Variants in FARS2 observed in about 807,000 individuals in gnomAD.
FARS2 encodes phenylalanyl-tRNA synthetase 2, mitochondrial.
A neutral mutation model predicts 46.4 loss-of-function variants in FARS2; 40 were observed. That is an observed-to-expected ratio of 0.86 (90% CI 0.67 to 1.12). FARS2 has a LOEUF of 1.12. Ranked by LOEUF, FARS2 falls within the 50% of genes most tolerant of loss-of-function variation. The pLI is 0.00. For synonymous variants in FARS2, 234 were observed against 214.9 expected, an observed-to-expected ratio of 1.09 and a Z score of -0.78; for missense variants, 513 against 567.9, an observed-to-expected ratio of 0.90 and a Z score of 0.98.
chr6:5,629,006 G>A (rs1582624840), intron 6 of FARS2, among the ~76,000 whole-genome samples: 1 of 152,360 alleles, frequency 6.6e-6, no homozygotes, highest in East Asian at 1.9e-4. Context: ...TTGAGGCTGA[G>A]GTGACCATTT....
At chr6:5,644,369 C>A (rs189838102) in intron 6 of FARS2, among the ~76,000 whole-genome samples, 5 of 152,120 alleles carry the variant, frequency 3.3e-5, no homozygotes, top group African/African-American at 4.8e-5. Context: ...CGCACCACCA[C>A]GCCTGGCTAT....
intron 2 of FARS2, among the ~76,000 whole-genome samples, chr6:5,374,336 G>GT (rs1310567879): frequency 2.6e-5 from 4 of 152,106 alleles, no homozygotes; most frequent in Admixed American, 6.5e-5. Context: ...ATTCAAGACT[G>GT]TAAGAAGATA....
intron 2 of FARS2, among the ~76,000 whole-genome samples, chr6:5,386,302 C>T (rs1760131723): frequency 6.6e-6 from 1 of 152,008 alleles, no homozygotes; most frequent in Non-Finnish European, 1.5e-5. Context: ...GAGCGTGGCA[C>T]ATTGGAAAGT....
intron 4 of FARS2, among the ~76,000 whole-genome samples, chr6:5,514,089 C>CATATATATATATATATATATAT (rs57189455): frequency 6.8e-6 from 1 of 147,140 alleles, no homozygotes; most frequent in African/African-American, 2.5e-5. Context: ...AAAATCTGGA[C>CATATATATATATATATATATAT]ATATATATAT....
chr6:5,608,534 G>T (rs1186362346), intron 5 of FARS2, among the ~76,000 whole-genome samples: 9 of 151,990 alleles, frequency 5.9e-5, no homozygotes, highest in African/African-American at 2.2e-4. Flanking sequence ...GTATTAAATC[G>T]TTTATTGATT....
At chr6:5,383,350 G>T (rs569305355) in intron 2 of FARS2, among the ~76,000 whole-genome samples, 129 of 152,320 alleles carry the variant, frequency 8.5e-4, no homozygotes, top group South Asian at 2.7e-3. Context: ...ACTTTTGGCC[G>T]CTGGCCTTTG....
intron 4 of FARS2, among the ~76,000 whole-genome samples, chr6:5,500,752 G>A (rs1049804488): frequency 6.6e-6 from 1 of 151,876 alleles, no homozygotes; most frequent in African/African-American, 2.4e-5. Flanking sequence ...TTTTTTAAAG[G>A]AGAGGATGTA....
intron 1 of FARS2, among the ~76,000 whole-genome samples, chr6:5,320,400 C>T (rs572529922): frequency 6.6e-6 from 1 of 152,330 alleles, no homozygotes; most frequent in East Asian, 1.9e-4. Flanking sequence ...TTCACCTCTG[C>T]TGACTGCCCA....
intron 6 of FARS2, among the ~76,000 whole-genome samples, chr6:5,729,069 C>G (rs1760460067): frequency 6.6e-6 from 1 of 152,228 alleles, no homozygotes; most frequent in South Asian, 2.1e-4. Context: ...GCAGTGCTCA[C>G]TCATACTGCA....
At chr6:5,666,646 A>G (rs1384299731) in intron 6 of FARS2, among the ~76,000 whole-genome samples, 4 of 152,238 alleles carry the variant, frequency 2.6e-5, no homozygotes, top group South Asian at 2.1e-4. Flanking sequence ...TAGGTCCACC[A>G]CTGTGGAAAA....
intron 3 of FARS2, among the ~76,000 whole-genome samples, chr6:5,420,925 TGGGGTCTGGA>T (rs1259638765): frequency 2.0e-5 from 3 of 147,152 alleles, no homozygotes; most frequent in Non-Finnish European, 3.0e-5. Flanking sequence ...AGACCCATTC[TGGGGTCTGGA>T]GGGGTCTGGA....
At chr6:5,518,317 T>C (rs960575313) in intron 4 of FARS2, among the ~76,000 whole-genome samples, 2 of 152,128 alleles carry the variant, frequency 1.3e-5, no homozygotes, top group African/African-American at 4.8e-5. Context: ...AAAACTGAGA[T>C]TTTGAATTTC....
intron 1 of FARS2, among the ~76,000 whole-genome samples, chr6:5,313,404 C>T (rs1269653962): frequency 2.6e-5 from 4 of 152,162 alleles, no homozygotes; most frequent in African/African-American, 9.7e-5. Flanking sequence ...GGCTCATTGA[C>T]GCAGGGCCGT....
upstream of FARS2, among the ~76,000 whole-genome samples, chr6:5,256,297 C>T (rs1003581152): frequency 4.0e-5 from 6 of 151,498 alleles, no homozygotes; most frequent in Admixed American, 3.3e-4. Flanking sequence ...CAAGATCAGC[C>T]TGGCCAATAT....
chr6:5,651,064 A>G (rs572282005), intron 6 of FARS2, among the ~76,000 whole-genome samples: 1 of 152,320 alleles, frequency 6.6e-6, no homozygotes, highest in African/African-American at 2.4e-5. Flanking sequence ...AGTAATAGTA[A>G]AGGGTTTGGT....
chr6:5,363,124 C>T (rs988611583), intron 1 of FARS2, among the ~76,000 whole-genome samples: 1 of 151,928 alleles, frequency 6.6e-6, no homozygotes, highest in African/African-American at 2.4e-5. Context: ...GATGGGGTTT[C>T]ACCGTGTTAG....
intron 4 of FARS2, among the ~76,000 whole-genome samples, chr6:5,434,247 G>C (rs369987157): frequency 6.6e-6 from 1 of 152,044 alleles, no homozygotes; most frequent in South Asian, 2.1e-4. Flanking sequence ...GAGTAGCTGG[G>C]ATTACATGCA....
chr6:5,462,718 T>C (rs1486902323), intron 4 of FARS2, among the ~76,000 whole-genome samples: 1 of 152,234 alleles, frequency 6.6e-6, no homozygotes, highest in Non-Finnish European at 1.5e-5. Flanking sequence ...CTATTGAAGC[T>C]TTAGAATCTA....
At chr6:5,470,774 G>GA (rs1249184553) in intron 4 of FARS2, among the ~76,000 whole-genome samples, 1 of 152,068 alleles carries the variant, frequency 6.6e-6, no homozygotes, top group African/African-American at 2.4e-5. Flanking sequence ...AACTTTTCTA[G>GA]AAAATAGACA....
Sources: gnomAD v4.1 joint callset for allele counts (sites outside exome capture counted in the v4.1 genomes callset) on GRCh38, gnomAD v4.1.1 for gene constraint, MANE v1.5 for transcripts, NCBI Gene and HGNC (gene_info 2026-07-23, HGNC 2026-07-21) for gene names.